LRP12: variants seen among roughly 807,000 people sequenced by gnomAD.
LRP12 encodes the protein low-density lipoprotein receptor-related protein 12.
Under a neutral mutation model 66.0 loss-of-function variants are expected in LRP12, and 14 were observed. The ratio of observed to expected loss-of-function variants is 0.21; its 90% confidence interval spans 0.14 to 0.33. The LOEUF is 0.33. Ranked by LOEUF, LRP12 falls within the 10% of genes least tolerant of loss-of-function variation. The pLI, the probability that LRP12 is intolerant of heterozygous loss-of-function variation, is 1.00. For missense variants in LRP12, 889 were observed against 1,053.4 expected, an observed-to-expected ratio of 0.84 and a Z score of 2.16; for synonymous variants, 357 against 359.1, an observed-to-expected ratio of 0.99 and a Z score of 0.07.
At chr8:104,511,067 G>A (rs1422560568) in intron 2 of LRP12, among the ~76,000 whole-genome samples, 1 of 105,210 alleles carries the variant, frequency 9.5e-6, no homozygotes, top group Non-Finnish European at 1.7e-5. Flanking sequence ...TTGAGATAGA[G>A]TCTCACTCTG....
rs754102463 is a variant in LRP12 at position 104,497,559 on chromosome 8, C to A, written c.993G>T (p.Val331=). The change falls in exon 5 of 7, where the codon GTG becomes GTT. Residue 331 remains valine, a synonymous_variant. Coordinates refer to ENST00000276654, the MANE Select transcript of LRP12 (RefSeq NM_013437.5). The surrounding 1 kb of genome is among the most constrained non-coding windows in gnomAD (Gnocchi z 4.3). ...GTGCATGAGAATCAAAAGCTGTCAACACACGCAAAAGCTTGTGTGGATTCT... is the reference window on the plus strand; with the variant it reads ...GTGCATGAGAATCAAAAGCTGTCAAAACACGCAAAAGCTTGTGTGGATTCT... The part of the protein sequence containing the change: ...LEENPHKLLR[V]LTAFDSHAPL... 14 of 1,613,608 alleles carry A rather than the reference C, an allele frequency of 8.7e-6. No homozygotes were observed. The Admixed American group carries it at 1.8e-4, about 21-fold the overall frequency.
intron 3 of LRP12, among the ~76,000 whole-genome samples, chr8:104,501,770 C>A (rs1810831274): frequency 6.6e-6 from 1 of 151,300 alleles, no homozygotes; most frequent in Non-Finnish European, 1.5e-5. Flanking sequence ...TTTCTTCCAG[C>A]CTGTGGTTTG....
intron 1 of LRP12, among the ~76,000 whole-genome samples, chr8:104,579,716 T>A (rs1372826322): frequency 6.6e-6 from 1 of 152,152 alleles, no homozygotes; most frequent in Non-Finnish European, 1.5e-5. Context: ...TGCATGGTAC[T>A]CGTACAAAAA....
chr8:104,531,852 A>G, intron 2 of LRP12, 55 bp downstream of exon 2: 1 of 1,200,810 alleles, frequency 8.3e-7, no homozygotes. Context: ...GGTGGCTTTC[A>G]ATATTTACCA....
chr8:104,547,680 G>T (rs1159140635), intron 1 of LRP12, among the ~76,000 whole-genome samples: 2 of 119,486 alleles, frequency 1.7e-5, no homozygotes, highest in Admixed American at 9.6e-5. Flanking sequence ...ATTATATTTT[G>T]TATAATATAA....
intron 1 of LRP12, among the ~76,000 whole-genome samples, chr8:104,552,206 G>A (rs902886943): frequency 6.6e-6 from 1 of 152,254 alleles, no homozygotes; most frequent in East Asian, 1.9e-4. Flanking sequence ...TCAGTCTTTA[G>A]ATTGTAAGGG....
At chr8:104,580,578 G>T (rs999830876) in intron 1 of LRP12, among the ~76,000 whole-genome samples, 2 of 150,680 alleles carry the variant, frequency 1.3e-5, no homozygotes, top group African/African-American at 4.9e-5. Context: ...AATCTATAAA[G>T]AACTTAAAAC....
chr8:104,543,942 C>A (rs1196882397), intron 1 of LRP12, among the ~76,000 whole-genome samples: 1 of 152,010 alleles, frequency 6.6e-6, no homozygotes, highest in African/African-American at 2.4e-5. Context: ...AAAACAACAA[C>A]AACAAAAATG....
At position 104,497,194 on chromosome 8, in the gene LRP12, G is replaced by C. The variant is rs1564129019; in HGVS notation, c.1358C>G (p.Pro453Arg). 6.2e-7 allele frequency: 1 copy of C among 1,610,566 alleles called. No homozygotes were observed. The highest frequency in any genetic ancestry group is 1.7e-4 in the Middle Eastern group (1 of 6,034). ...ATTGTTTTTACAATGGAAATTTCCTGGTTGGCAAAAAAAGCAGTTTTTTTC... is the reference window on the plus strand; with the variant it reads ...ATTGTTTTTACAATGGAAATTTCCTCGTTGGCAAAAAAAGCAGTTTTTTTC... ...SDEKNCFFCQ[P>R]GNFHCKNNRC... Residue 453 changes from proline (P) to arginine (R), a missense_variant, in exon 5 of 7, where the codon CCA becomes CGA. By Grantham distance (103) the Pro-to-Arg change is moderately radical. This residue lies in a region of LRP12 where 800 missense variants were observed against 964.5 expected (regional missense o/e 0.83). Transcript: ENST00000276654. The surrounding 1 kb of genome is among the most constrained non-coding windows in gnomAD (Gnocchi z 4.3).
intron 1 of LRP12, among the ~76,000 whole-genome samples, chr8:104,567,122 A>G (rs1271145003): frequency 6.6e-6 from 1 of 152,316 alleles, no homozygotes; most frequent in East Asian, 1.9e-4. Context: ...ACACCATACC[A>G]GAGGTTTTGG....
intron 2 of LRP12, among the ~76,000 whole-genome samples, chr8:104,515,369 ATC>A (rs1349950762): frequency 5.9e-5 from 9 of 152,212 alleles, no homozygotes; most frequent in African/African-American, 1.9e-4. Context: ...ATTATGTAAG[ATC>A]TTATTCCCAG....
rs553988123 is a variant in LRP12 at position 104,560,242 on chromosome 8, C to T, written c.80-28279G>A. On this transcript the variant is annotated intron_variant, in intron 1 of 6. Transcript: ENST00000276654. ...CAGGATGTTGAGACTAAAAAATTAA[C>T]CTGTCAGGACTAAATCTCACAGTTA... 3.1e-4 allele frequency among the ~76,000 whole-genome samples: 47 copies of T among 152,134 alleles called. No individual in the cohort carries two copies. In the South Asian group the frequency reaches 9.8e-3, roughly 32 times the overall value.
At chr8:104,521,870 G>A (rs933652193) in intron 2 of LRP12, among the ~76,000 whole-genome samples, 1 of 151,710 alleles carries the variant, frequency 6.6e-6, no homozygotes, top group African/African-American at 2.4e-5. Context: ...AAGAGGTCCA[G>A]GTACCTAATT....
chr8:104,582,870 C>T (rs1400178406), intron 1 of LRP12, among the ~76,000 whole-genome samples: 1 of 152,148 alleles, frequency 6.6e-6, no homozygotes, highest in African/African-American at 2.4e-5. Context: ...CTCCTCTTCA[C>T]TGATGATCTT....
At chr8:104,505,022 T>C (rs1264567343) in intron 3 of LRP12, 4 of 152,128 alleles carry the variant, frequency 2.6e-5, no homozygotes, top group African/African-American at 9.7e-5. Context: ...CTCGTTTTGT[T>C]TTTGTTTATT....
chr8:104,583,612 C>T (rs1260620148), intron 1 of LRP12, among the ~76,000 whole-genome samples: 1 of 152,168 alleles, frequency 6.6e-6, no homozygotes, highest in African/African-American at 2.4e-5. Context: ...TTTTATCTAA[C>T]ACAGTGCTAG....
At chr8:104,518,112 A>C (rs1329123359) in intron 2 of LRP12, among the ~76,000 whole-genome samples, 4 of 152,128 alleles carry the variant, frequency 2.6e-5, no homozygotes, top group African/African-American at 9.7e-5. Flanking sequence ...CATAGTGCTG[A>C]GGATGAGATT....
At chr8:104,500,851 GAC>G (rs1307629197) in intron 3 of LRP12, among the ~76,000 whole-genome samples, 28 of 152,294 alleles carry the variant, frequency 1.8e-4, no homozygotes, top group African/African-American at 6.7e-4. Context: ...AAATCTGACA[GAC>G]ACTGGAAAAA....
At chr8:104,526,556 A>T (rs1811242776) in intron 2 of LRP12, among the ~76,000 whole-genome samples, 1 of 146,130 alleles carries the variant, frequency 6.8e-6, no homozygotes, top group Admixed American at 6.7e-5. Context: ...ATCTTTGACA[A>T]ACCTGAGAAA....
Sources: allele counts gnomAD v4.1 joint callset (sites outside exome capture counted in the v4.1 genomes callset), GRCh38; gene constraint gnomAD v4.1.1; regional missense constraint gnomAD v4.1.1; non-coding constraint Gnocchi (gnomAD v3.1); transcripts MANE v1.5; gene names NCBI Gene and HGNC (gene_info 2026-07-23, HGNC 2026-07-21).